Variants in NCOR2 observed in about 807,000 individuals in gnomAD.
The protein encoded by NCOR2 is CTG repeat protein 26.
Under a neutral mutation model 262.9 loss-of-function variants are expected in NCOR2, and 81 were observed. The observed-to-expected ratio is 0.31, with a 90% CI of 0.26 to 0.37. The LOEUF is 0.37. Among genes scored for constraint, NCOR2 ranks in the 10% least tolerant of loss-of-function variants. The pLI, the probability that NCOR2 is intolerant of heterozygous loss-of-function variation, is 1.00. For missense variants in NCOR2, 3,385 were observed against 3,621.4 expected, an observed-to-expected ratio of 0.93 and a Z score of 1.68; for synonymous variants, 1,659 against 1,559.3, an observed-to-expected ratio of 1.06 and a Z score of -1.51.
At chr12:124,435,061 C>G (rs1482139913) in intron 8 of NCOR2, among the ~76,000 whole-genome samples, 3 of 152,250 alleles carry the variant, frequency 2.0e-5, no homozygotes, top group Non-Finnish European at 2.9e-5. Flanking sequence ...GCTCCTGCTG[C>G]TGGCCTGCCA....
chr12:124,527,494 T>G (rs2050541063), intron 1 of NCOR2, among the ~76,000 whole-genome samples: 1 of 152,124 alleles, frequency 6.6e-6, no homozygotes, highest in Non-Finnish European at 1.5e-5. Context: ...CTCAGCTCAC[T>G]GCAGTCTCTG....
At chr12:124,334,615 C>T (rs779090153) in exon 41 of NCOR2, 2 of 1,382,652 alleles carry the variant, frequency 1.4e-6, no homozygotes, top group Non-Finnish European at 1.9e-6. Context: ...GTGTGATGAC[C>T]TCCTGCAGGC....
rs949609006 is a variant in NCOR2, at chr12:124,425,266, C to G, written c.1328+1356G>C. On this transcript the variant is annotated intron_variant, in intron 11 of 46. Coordinates refer to ENST00000405201, the Ensembl canonical transcript of NCOR2. ...GTGGCCGCCTGTAGTCCCAGCTACT[C>G]GGGAGGCTGAGGCAGGAGAATGGCG... 2.0e-5 allele frequency among the ~76,000 whole-genome samples: 3 copies of G among 152,104 alleles called. No individual in the cohort carries two copies. The South Asian group carries it at 6.2e-4, about 32-fold the overall frequency.
intron 1 of NCOR2, among the ~76,000 whole-genome samples, chr12:124,527,381 CTACTT>C (rs962761842): frequency 2.0e-4 from 30 of 152,198 alleles, no homozygotes; most frequent in African/African-American, 7.2e-4. Flanking sequence ...ATGATAATCC[CTACTT>C]TACAAGAGCT....
chr12:124,341,745 C>T (rs749281732), intron 34 of NCOR2, 78 bp downstream of exon 36: 59 of 1,532,744 alleles, frequency 3.8e-5, no homozygotes, highest in Non-Finnish European at 4.7e-5. Flanking sequence ...TAGCTGCCTC[C>T]GCGAGGCCAC....
At chr12:124,470,606 T>C (rs1391198504) in intron 4 of NCOR2, among the ~76,000 whole-genome samples, 1 of 152,224 alleles carries the variant, frequency 6.6e-6, no homozygotes. Flanking sequence ...TACTGTGTGA[T>C]GCCCTATATA....
intron 13 of NCOR2, among the ~76,000 whole-genome samples, chr12:124,413,015 G>C (rs1035759556): frequency 6.6e-6 from 1 of 152,218 alleles, no homozygotes; most frequent in African/African-American, 2.4e-5. Context: ...CCTCGCTGCC[G>C]GGGAAAGTGC....
intron 1 of NCOR2, among the ~76,000 whole-genome samples, chr12:124,510,977 G>C (rs1201451714): frequency 4.6e-5 from 7 of 152,202 alleles, no homozygotes; most frequent in Admixed American, 4.6e-4. Flanking sequence ...CCAAACACAA[G>C]ATCCATGAAG....
At chr12:124,350,762 CCAG>C in intron 27 of NCOR2, 25 bp from the exon 30 acceptor site, 1 of 1,599,344 alleles carries the variant, frequency 6.3e-7, no homozygotes, top group Non-Finnish European at 8.5e-7. Context: ...GGGTGAGCGC[CCAG>C]GAGGCTGCAG....
chr12:124,484,653 C>T (rs1231160264), intron 2 of NCOR2, among the ~76,000 whole-genome samples: 1 of 152,222 alleles, frequency 6.6e-6, no homozygotes, highest in Non-Finnish European at 1.5e-5. Context: ...GCCTGGAGCA[C>T]TGAGACCTCA....
upstream of NCOR2, chr12:124,567,598 C>CGCGGCGGCGGTGGCG: frequency 7.2e-6 from 1 of 138,740 alleles, no homozygotes; most frequent in South Asian, 2.1e-4. Flanking sequence ...CCCCGGCGGC[C>CGCGGCGGCGGTGGCG]GCGGCGGCGG....
chr12:124,425,338 T>C (rs373793810), intron 11 of NCOR2, among the ~76,000 whole-genome samples: 81 of 152,002 alleles, frequency 5.3e-4, no homozygotes, highest in African/African-American at 1.6e-3. Flanking sequence ...TGTGCCATTG[T>C]ACTCCAGCCT....
intron 1 of NCOR2, among the ~76,000 whole-genome samples, chr12:124,562,553 C>A (rs1211120253): frequency 6.6e-6 from 1 of 152,218 alleles, no homozygotes; most frequent in Non-Finnish European, 1.5e-5. Context: ...ACTCTCCGGG[C>A]TGCCCATGAC....
At chr12:124,331,320 C>T (rs775637053) in intron 43 of NCOR2, among the ~76,000 whole-genome samples, 9 of 152,184 alleles carry the variant, frequency 5.9e-5, no homozygotes, top group Non-Finnish European at 1.0e-4. Context: ...GCCTTGACCT[C>T]CCAAAGTGCT....
At chr12:124,383,550 G>A (rs2040568401) in intron 17 of NCOR2, 5 of 492,176 alleles carry the variant, frequency 1.0e-5, no homozygotes, top group Non-Finnish European at 1.4e-5. Context: ...AAAAAAAGAG[G>A]GGGCCTCAGG....
chr12:124,529,549 C>A (rs962353520), intron 1 of NCOR2, among the ~76,000 whole-genome samples: 5 of 152,240 alleles, frequency 3.3e-5, no homozygotes, highest in Non-Finnish European at 7.3e-5. Flanking sequence ...CTGGTGCAAT[C>A]CGGCACTGCA....
intron 3 of NCOR2, 42 bp from the exon 6 acceptor site, chr12:124,473,173 C>T (rs199997650): frequency 1.2e-6 from 2 of 1,607,738 alleles, no homozygotes; most frequent in East Asian, 4.5e-5. Flanking sequence ...GCACAGGGGA[C>T]ACCCCCCAGT....
chr12:124,417,097 G>GAGAGCAGGCCGGACAGTCACTCCATGT (rs2042928037), intron 13 of NCOR2, among the ~76,000 whole-genome samples: 1 of 150,150 alleles, frequency 6.7e-6, no homozygotes, highest in African/African-American at 2.5e-5. Context: ...TCACTCCACG[G>GAGAGCAGGCCGGACAGTCACTCCATGT]AGAGCAGGCC....
At chr12:124,398,452 G>A (rs1045717058) in intron 15 of NCOR2, among the ~76,000 whole-genome samples, 3 of 152,218 alleles carry the variant, frequency 2.0e-5, no homozygotes, top group Admixed American at 2.0e-4. Flanking sequence ...CACACAAGCC[G>A]CTGAAGTCGG....
Sources: allele counts gnomAD v4.1 joint callset (sites outside exome capture counted in the v4.1 genomes callset), GRCh38; gene constraint gnomAD v4.1.1; transcripts MANE v1.5; gene names NCBI Gene and HGNC (gene_info 2026-07-23, HGNC 2026-07-21).